The following MMUT variants were observed in gnomAD, a reference collection of about 807,000 sequenced individuals.
The protein encoded by MMUT is methylmalonyl-CoA mutase, also known as methylmalonyl-CoA mutase, mitochondrial.
A neutral mutation model predicts 79.9 loss-of-function variants in MMUT; 79 were observed. The ratio of observed to expected loss-of-function variants is 0.99; its 90% confidence interval spans 0.82 to 1.19. The LOEUF is 1.19. Ranked by LOEUF, MMUT falls within the 50% of genes most tolerant of loss-of-function variation. The pLI, the probability that MMUT is intolerant of heterozygous loss-of-function variation, is 0.00. For missense variants in MMUT, 860 were observed against 917.2 expected (o/e 0.94, Z 0.81); for synonymous variants, 273 against 295.7 (o/e 0.92, Z 0.79).
chr6:49,442,435 G>A (rs1279253170), intron 9 of MMUT, among the ~76,000 whole-genome samples: 2 of 152,016 alleles, frequency 1.3e-5, no homozygotes, highest in Non-Finnish European at 2.9e-5. Flanking sequence ...TAGCGATACA[G>A]TAATAAATGA....
At chr6:49,447,986 A>C (rs1767454101) in intron 7 of MMUT, among the ~76,000 whole-genome samples, 1 of 152,010 alleles carries the variant, frequency 6.6e-6, no homozygotes, top group South Asian at 2.1e-4. Context: ...AGTCTCTGTA[A>C]GGAAGGACTT....
At chr6:49,436,348 G>A (rs574665034) in intron 11 of MMUT, among the ~76,000 whole-genome samples, 6 of 152,122 alleles carry the variant, frequency 3.9e-5, no homozygotes, top group Non-Finnish European at 8.8e-5. Context: ...GTTCATGCCT[G>A]TAATTCTAGC....
chr6:49,439,696 CT>C (rs1352752557), intron 11 of MMUT, among the ~76,000 whole-genome samples: 1 of 152,118 alleles, frequency 6.6e-6, no homozygotes, highest in East Asian at 1.9e-4. Context: ...TTAATTTATC[CT>C]TCTAAGATTA....
chr6:49,435,721 C>A, intron 11 of MMUT, 98 bp from the exon 12 acceptor site: 1 of 1,263,230 alleles, frequency 7.9e-7, no homozygotes, highest in Non-Finnish European at 1.1e-6. Context: ...TCAGAACATA[C>A]TAATGGGCAA....
At chr6:49,453,252 G>C (rs560198842) in intron 5 of MMUT, among the ~76,000 whole-genome samples, 1 of 151,848 alleles carries the variant, frequency 6.6e-6, no homozygotes, top group East Asian at 1.9e-4. Context: ...GGTTGGCCAG[G>C]CTGGGTGCCT....
intron 1 of MMUT, among the ~76,000 whole-genome samples, chr6:49,459,758 T>C (rs1767794182): frequency 6.6e-6 from 1 of 152,148 alleles, no homozygotes; most frequent in African/African-American, 2.4e-5. Context: ...CCTTTTCTAC[T>C]CCATTCTATA....
At position 49,451,596 on chromosome 6, in the gene MMUT, C is replaced by T; in HGVS notation, c.1202G>A (p.Ser401Asn). The T allele has an allele frequency of 1.2e-5, 20 of 1,614,152 alleles. No homozygotes were observed. The highest frequency in any genetic ancestry group is 1.7e-5 in the Non-Finnish European group (20 of 1,180,014). ...DEALGLPTVK[S>N]ARIARNTQII... ...TTGTGTGTTCCTGGCAATTCGAGCA[C>T]TTTTCACAGTTGGCAAACCCAAAGC... is the stretch of plus-strand genomic sequence containing the variant. The change falls in exon 6 of 13, where the codon AGT becomes AAT. Residue 401 changes from serine (S) to asparagine (N), a missense_variant. Physicochemically the swap from Ser to Asn is conservative, Grantham distance 46. Coordinates refer to ENST00000274813, the MANE Select transcript of MMUT (RefSeq NM_000255.4).
At chr6:49,444,207 GCTT>G (rs1767350242) in intron 9 of MMUT, among the ~76,000 whole-genome samples, 1 of 152,068 alleles carries the variant, frequency 6.6e-6, no homozygotes, top group Non-Finnish European at 1.5e-5. Flanking sequence ...TCTTCCGGTT[GCTT>G]CATGGTTAAA....
At chr6:49,448,290 C>A (rs6903667) in intron 7 of MMUT, among the ~76,000 whole-genome samples, 2,154 of 152,082 alleles carry the variant, frequency 0.014, 43 homozygotes, top group African/African-American at 0.047. Flanking sequence ...TTCCCACAAC[C>A]CCTACCCCTG....
At chr6:49,440,107 T>C (rs745479944) in intron 11 of MMUT, 99 bp downstream of exon 11, 1 of 1,429,692 alleles carries the variant, frequency 7.0e-7, no homozygotes, top group East Asian at 2.3e-5. Context: ...TACCAGGAGA[T>C]GTATTAATTT....
In MMUT at chr6:49,459,254, G is replaced by A. The variant is rs1397464862; in HGVS notation, c.213C>T (p.Pro71=). 1.9e-6 allele frequency: 3 copies of A among 1,614,158 alleles called. No individual in the cohort carries two copies. Among genetic ancestry groups the A allele is most frequent in the Non-Finnish European group, 2.5e-6 (3 of 1,180,038 alleles). The change falls in exon 2 of 13, where the codon CCC becomes CCT. Residue 71 remains proline (P), a synonymous_variant. Coordinates refer to ENST00000274813, the MANE Select transcript of MMUT (RefSeq NM_000255.4). ...CCATAGTATCTCTCTTGGAATACAA[G>A]GGTTTTATAGAGATCCCTTCCGGGG... ...WHTPEGISIK[P]LYSKRDTMDL... is the part of the protein sequence containing the mutation.
rs1439646657 is a variant in MMUT at position 49,431,658 on chromosome 6, T to C, written c.*70A>G. The C allele has an allele frequency of 5.3e-6, 8 of 1,507,660 alleles. No individual in the cohort carries two copies. Among genetic ancestry groups the C allele is most frequent in the Middle Eastern group, 1.8e-4 (1 of 5,708 alleles). 93.4% of individuals were successfully genotyped at this position (1,507,660 alleles called of 1,614,324 possible). On this transcript the variant is annotated 3_prime_UTR_variant, in exon 13 of 13. Coordinates refer to ENST00000274813, the MANE Select transcript of MMUT (RefSeq NM_000255.4). ...AGGTATTGAAATTAAATTGAAGACA[T>C]AGCTTTACTCTCTTCTTTGATCATA... is the stretch of plus-strand genomic sequence containing the variant.
chr6:49,455,530 T>C (rs997775202), intron 4 of MMUT, among the ~76,000 whole-genome samples: 2 of 152,188 alleles, frequency 1.3e-5, no homozygotes, highest in South Asian at 2.1e-4. Flanking sequence ...TATAGGCTAG[T>C]GTTTGGCACA....
At position 49,435,446 on chromosome 6, in the gene MMUT, T is replaced by TA. The variant is rs761432911; in HGVS notation, c.2124+9dup. 1.2e-6 allele frequency: 2 copies of TA among 1,610,754 alleles called. No homozygotes were observed. Among genetic ancestry groups the TA allele is most frequent in the Non-Finnish European group, 8.5e-7 (1 of 1,177,072 alleles). Reference sequence around the variant, plus strand: ...CATCACAGTACTAGAAAAATAGAGATAAAAAATACCTGAGGTGGTATCACC... The same window carrying TA: ...CATCACAGTACTAGAAAAATAGAGATAAAAAAATACCTGAGGTGGTATCACC... On this transcript the variant is annotated intron_variant, in intron 12 of 12. Coordinates refer to ENST00000274813, the MANE Select transcript of MMUT (RefSeq NM_000255.4).
rs1767532474 is a variant in MMUT, at chr6:49,450,788, G to A, written c.1332+678C>T. On this transcript the variant is annotated intron_variant, in intron 6 of 12. Coordinates refer to ENST00000274813, the MANE Select transcript of MMUT (RefSeq NM_000255.4). The stretch of plus-strand genomic sequence containing the variant: ...TCCAAATAACCAAGAGATAGACATG[G>A]GATTCAAGATTCAGAATTAAACAGA... Among the ~76,000 whole-genome samples, 3 of 152,178 alleles carry A rather than the reference G, an allele frequency of 2.0e-5. No homozygotes were observed. The South Asian group carries it at 6.2e-4, about 32-fold the overall frequency.
At chr6:49,435,233 T>C (rs1048930264) in intron 12 of MMUT, among the ~76,000 whole-genome samples, 6 of 152,238 alleles carry the variant, frequency 3.9e-5, no homozygotes, top group South Asian at 2.1e-4. Flanking sequence ...AGTTCTCTCA[T>C]TGAAGCTTTG....
chr6:49,441,402 T>G (rs1432170317), intron 10 of MMUT, among the ~76,000 whole-genome samples: 1 of 151,950 alleles, frequency 6.6e-6, no homozygotes, highest in African/African-American at 2.4e-5. Flanking sequence ...TCTACCATAG[T>G]AAGCAGATTG....
intron 5 of MMUT, among the ~76,000 whole-genome samples, chr6:49,452,486 A>C (rs1427527109): frequency 6.6e-6 from 1 of 151,964 alleles, no homozygotes; most frequent in Non-Finnish European, 1.5e-5. Flanking sequence ...GTGCCTGCCA[A>C]CACACCTGGC....
rs1554160638 is a variant in MMUT at position 49,457,774 on chromosome 6, C to A, written c.670G>T (p.Glu224Ter). The A allele has an allele frequency of 6.2e-7, 1 of 1,612,446 alleles. No individual in the cohort carries two copies. Among genetic ancestry groups the A allele is most frequent in the South Asian group, 1.1e-5 (1 of 90,858 alleles). ...TGTIQNDILK[E>*]FMVRNTYIFP... Reference sequence around the variant, plus strand: ...ATGTATGTATTTCGAACCATAAATTCCTTTAGTATATCATTTTGGATGGTA... The same window carrying A: ...ATGTATGTATTTCGAACCATAAATTACTTTAGTATATCATTTTGGATGGTA... The change falls in exon 3 of 13, where the codon GAA becomes TAA. Residue 224 changes from glutamate to a stop codon, truncating the protein, a stop_gained. Transcript: ENST00000274813. LOFTEE classifies it high-confidence loss of function.
Sources: allele counts gnomAD v4.1 joint callset (sites outside exome capture counted in the v4.1 genomes callset), GRCh38; gene constraint gnomAD v4.1.1; transcripts MANE v1.5; gene names NCBI Gene and HGNC (gene_info 2026-07-23, HGNC 2026-07-21).